The following DCLK1 variants were observed in gnomAD, a reference collection of about 807,000 sequenced individuals.
DCLK1 encodes the protein doublecortin like kinase 1, also known as serine/threonine-protein kinase DCLK1.
A neutral mutation model predicts 86.2 loss-of-function variants in DCLK1; 16 were observed. The ratio of observed to expected loss-of-function variants is 0.19; its 90% CI spans 0.13 to 0.28. The LOEUF (loss-of-function observed/expected upper bound fraction) is 0.28, where lower values mean the gene tolerates loss of function less well. Ranked by LOEUF, DCLK1 falls within the 10% of genes least tolerant of loss-of-function variation. The probability of loss-of-function intolerance (pLI) is 1.00; values close to 1 mark genes in which losing one functional copy is unlikely to be tolerated. For synonymous variants in DCLK1, 369 were observed against 370.5 expected (o/e 1.00, Z 0.05); for missense variants, 590 against 940.2 (o/e 0.63, Z 4.87).
At chr13:36,082,662 A>C (rs1884460510) in intron 3 of DCLK1, among the ~76,000 whole-genome samples, 2 of 152,228 alleles carry the variant, frequency 1.3e-5, no homozygotes, top group Non-Finnish European at 2.9e-5. Context: ...GAAAAGATAC[A>C]GTCCTCACTT....
At chr13:35,778,413 G>A (rs185662955) in intron 16 of DCLK1, among the ~76,000 whole-genome samples, 1 of 152,182 alleles carries the variant, frequency 6.6e-6, no homozygotes, top group African/African-American at 2.4e-5. Context: ...TCTGCCTATG[G>A]TTAACTATAC....
chr13:35,921,667 T>C (rs1231583173), intron 4 of DCLK1, among the ~76,000 whole-genome samples: 1 of 152,166 alleles, frequency 6.6e-6, no homozygotes, highest in Non-Finnish European at 1.5e-5. Context: ...GAAAGGTGTG[T>C]GGCCAAAGTG....
At chr13:36,028,663 C>T (rs1882141764) in intron 3 of DCLK1, among the ~76,000 whole-genome samples, 1 of 152,186 alleles carries the variant, frequency 6.6e-6, no homozygotes, top group African/African-American at 2.4e-5. Flanking sequence ...GCTGCATTCC[C>T]AGTCACAGAA....
chr13:35,929,280 GAAAC>G (rs1452084962), intron 4 of DCLK1, among the ~76,000 whole-genome samples: 2 of 152,250 alleles, frequency 1.3e-5, no homozygotes, highest in East Asian at 3.9e-4. Context: ...TGTCAAGTGT[GAAAC>G]AAACAAATAA....
intron 10 of DCLK1, among the ~76,000 whole-genome samples, chr13:35,823,241 T>C (rs9545480): frequency 0.33 from 49,408 of 151,866 alleles, 9,277 homozygotes; most frequent in African/African-American, 0.52. Flanking sequence ...CTGCCTCACA[T>C]TGACTGCCAG....
intron 4 of DCLK1, among the ~76,000 whole-genome samples, chr13:35,929,056 A>G (rs1474205358): frequency 6.6e-6 from 1 of 152,034 alleles, no homozygotes. Flanking sequence ...CAGCCTCCCA[A>G]GTAGCTGGGA....
At chr13:36,056,214 C>G (rs1366681101) in intron 3 of DCLK1, among the ~76,000 whole-genome samples, 15 of 105,426 alleles carry the variant, frequency 1.4e-4, no homozygotes, top group South Asian at 4.0e-4. Flanking sequence ...TTGGAACCAA[C>G]CCAAATGTCC....
At chr13:35,998,600 T>C (rs1447300356) in intron 3 of DCLK1, among the ~76,000 whole-genome samples, 1 of 152,176 alleles carries the variant, frequency 6.6e-6, no homozygotes, top group Non-Finnish European at 1.5e-5. Context: ...CAAAATATTC[T>C]TCCCTCTCTC....
intron 3 of DCLK1, among the ~76,000 whole-genome samples, chr13:36,031,237 T>G (rs1245410179): frequency 2.6e-5 from 4 of 151,884 alleles, no homozygotes; most frequent in African/African-American, 9.7e-5. Flanking sequence ...GTGATCAAAC[T>G]GGATAATTCC....
At chr13:35,841,894 A>G (rs967097548) in intron 6 of DCLK1, among the ~76,000 whole-genome samples, 3 of 152,038 alleles carry the variant, frequency 2.0e-5, no homozygotes, top group Non-Finnish European at 2.9e-5. Flanking sequence ...TGGACCTTAA[A>G]TATTACCTAT....
At chr13:35,884,961 C>G (rs75194300) in intron 4 of DCLK1, among the ~76,000 whole-genome samples, 1,634 of 152,298 alleles carry the variant, frequency 0.011, 21 homozygotes, top group African/African-American at 0.037. Flanking sequence ...TAGGGACATT[C>G]TCTAGCACCT....
Position 35,858,235 on chromosome 13 carries a change from G to A in DCLK1, c.941-3642C>T, listed in dbSNP as rs554225798. Among the ~76,000 whole-genome samples, 7 of 152,186 alleles carry A rather than the reference G, an allele frequency of 4.6e-5. No individual in the cohort carries two copies. The South Asian group carries it at 6.2e-4, about 14-fold the overall frequency. On this transcript the variant is annotated intron_variant, in intron 5 of 16. Transcript: ENST00000360631. ...GTAGTGTCATGGGGTGGAGGTAAAC[G>A]GAAACGTTCCAGAGAAATGTAAGAG... is the stretch of plus-strand genomic sequence containing the variant.
In DCLK1 at chr13:35,808,880, A is replaced by G. The variant is rs142598853; in HGVS notation, c.1766+138T>C. The G allele has an allele frequency of 4.4e-4, 259 of 582,834 alleles. 1 individual carries two copies. The African/African-American group carries it at 4.7e-3, about 11-fold the overall frequency. 36.1% of individuals were successfully genotyped at this position (582,834 alleles called of 1,614,324 possible). A position where few individuals can be genotyped will look rare whatever the true frequency, so the allele number is the denominator to read the frequency against. On this transcript the variant is annotated intron_variant, in intron 13 of 16. Transcript: ENST00000360631. ...AATTAGCATGCATGACATAACAGGG[A>G]AAAAATAACAGGGATTGCAAGTAAA... is the stretch of plus-strand genomic sequence containing the variant.
rs1335537800 is a variant in DCLK1 at position 35,771,054 on chromosome 13, AGCTTCAGC to A, written c.*3473_*3480del. 1 of 152,202 alleles carries A rather than the reference AGCTTCAGC, an allele frequency of 6.6e-6. No homozygotes were observed. The highest frequency in any genetic ancestry group is 6.5e-5 in the Admixed American group (1 of 15,286). The allele number at this position is 152,202 out of a possible 1,614,324, so 9.4% of individuals were successfully genotyped here. A position where few individuals can be genotyped will look rare whatever the true frequency, so the allele number is the denominator to read the frequency against. On this transcript the variant is annotated 3_prime_UTR_variant, in exon 17 of 17. Coordinates refer to ENST00000360631, the MANE Select transcript of DCLK1 (RefSeq NM_001330071.2). ...AGAAAGCTCTCCCTCAGCACGATTG[AGCTTCAGC>A]GCAAGGGATAGAGTTGTCTAGTGGA...
chr13:36,072,744 T>G (rs1246717188), intron 3 of DCLK1, among the ~76,000 whole-genome samples: 1 of 152,198 alleles, frequency 6.6e-6, no homozygotes, highest in Non-Finnish European at 1.5e-5. Flanking sequence ...GTCACAGCCA[T>G]ACACCCTGCA....
rs116355504 is a variant in DCLK1, at chr13:36,086,345, G to A, written c.723+25524C>T. On this transcript the variant is annotated intron_variant, in intron 3 of 16. Coordinates refer to ENST00000360631, the MANE Select transcript of DCLK1 (RefSeq NM_001330071.2). ...TCCAGAACACCTCAGCTGAACTCAG[G>A]TGTCAGGACAAAGCACACAGGAGAG... 9.3e-3 allele frequency among the ~76,000 whole-genome samples: 1,408 copies of A among 152,134 alleles called. 16 individuals are homozygous for A. The highest frequency in any genetic ancestry group is 0.032 in the African/African-American group (1,335 of 41,502).
At chr13:35,893,349 T>TC (rs1873756906) in intron 4 of DCLK1, among the ~76,000 whole-genome samples, 8 of 152,174 alleles carry the variant, frequency 5.3e-5, no homozygotes, top group Non-Finnish European at 8.8e-5. Flanking sequence ...CAAAAAAGAA[T>TC]AAAACCCCGT....
At chr13:35,922,068 C>A (rs554991218) in intron 4 of DCLK1, among the ~76,000 whole-genome samples, 73 of 152,296 alleles carry the variant, frequency 4.8e-4, no homozygotes, top group African/African-American at 1.7e-3. Flanking sequence ...GAAACCCTGT[C>A]CTGACCTTGA....
intron 4 of DCLK1, among the ~76,000 whole-genome samples, chr13:35,905,667 C>T (rs1874647879): frequency 6.6e-6 from 1 of 152,180 alleles, no homozygotes; most frequent in Non-Finnish European, 1.5e-5. Context: ...AGAGCCAGGC[C>T]AGGTGTGGTG....
Sources: gnomAD v4.1 joint callset for allele counts (sites outside exome capture counted in the v4.1 genomes callset) on GRCh38, gnomAD v4.1.1 for gene constraint, MANE v1.5 for transcripts, NCBI Gene and HGNC (gene_info 2026-07-23, HGNC 2026-07-21) for gene names.